The following CDCP2 variants were observed in gnomAD, a reference collection of about 807,000 sequenced individuals.
CDCP2 encodes CUB domain-containing protein 2.
CDCP2 carries 31 observed loss-of-function variants against 31.0 expected under a neutral mutation model. That is an observed-to-expected ratio of 1.00 (90% CI 0.75 to 1.35). CDCP2 has a LOEUF of 1.35. Among genes scored for constraint, CDCP2 ranks in the 40% most tolerant of loss-of-function variants. The probability of loss-of-function intolerance (pLI) is 0.00; values close to 1 mark genes in which losing one functional copy is unlikely to be tolerated. For missense variants in CDCP2, 443 were observed against 482.6 expected (o/e 0.92, Z 0.77); for synonymous variants, 206 against 207.9 (o/e 0.99, Z 0.08).
At chr1:54,135,623 T>C (rs1325707006) in intron 5 of CDCP2, among the ~76,000 whole-genome samples, 1 of 152,134 alleles carries the variant, frequency 6.6e-6, no homozygotes, top group African/African-American at 2.4e-5. Context: ...TCCATGACTT[T>C]ATGGAATGTG....
intron 1 of CDCP2, among the ~76,000 whole-genome samples, chr1:54,151,069 G>A (rs1659576089): frequency 6.6e-6 from 1 of 152,190 alleles, no homozygotes; most frequent in Admixed American, 6.5e-5. Context: ...GTATCAAGGA[G>A]GGGCAAGATT....
At chr1:54,142,693 T>G (rs1033864849) in intron 2 of CDCP2, 4 of 152,216 alleles carry the variant, frequency 2.6e-5, no homozygotes, top group African/African-American at 9.7e-5. Flanking sequence ...GGCCCAGCCA[T>G]GTAACTTTAG....
At chr1:54,139,918 G>A (rs1659333088) in exon 4 of CDCP2, 2 of 1,614,100 alleles carry the variant, frequency 1.2e-6, no homozygotes, top group African/African-American at 1.3e-5. Context: ...GCCGCCAGAT[G>A]GTCAAAGTCA....
intron 1 of CDCP2, among the ~76,000 whole-genome samples, chr1:54,150,397 C>T (rs1371699657): frequency 2.0e-5 from 3 of 152,128 alleles, no homozygotes; most frequent in Non-Finnish European, 4.4e-5. Context: ...GAGTTCGAGA[C>T]CAGCCCAGCC....
At chr1:54,144,696 G>T in exon 2 of CDCP2, 1 of 1,614,242 alleles carries the variant, frequency 6.2e-7, no homozygotes, top group South Asian at 1.1e-5. Flanking sequence ...CAGCACCGAG[G>T]ATCCCTCGGC....
chr1:54,141,584 A>G, intron 2 of CDCP2, 151 bp from the exon 3 acceptor site: 1 of 654,558 alleles, frequency 1.5e-6, no homozygotes, highest in South Asian at 2.0e-5. Context: ...CCAAGTAGCA[A>G]GTGTAGCACG....
exon 1 of CDCP2, chr1:54,152,849 A>G: frequency 1.2e-6 from 2 of 1,614,078 alleles, no homozygotes; most frequent in Non-Finnish European, 1.7e-6. Flanking sequence ...CCTACCTTCC[A>G]TGGCTTGGGC....
chr1:54,145,941 T>G (rs1193870391), intron 1 of CDCP2, among the ~76,000 whole-genome samples: 2 of 152,102 alleles, frequency 1.3e-5, no homozygotes, highest in African/African-American at 2.4e-5. Flanking sequence ...GGAGACACAG[T>G]CACATGAGGA....
At chr1:54,133,265 G>A (rs1028660862) in exon 6 of CDCP2, 7 of 399,048 alleles carry the variant, frequency 1.8e-5, no homozygotes, top group African/African-American at 8.2e-5. Context: ...TGTACAGCAC[G>A]CTGACAATCA....
chr1:54,139,669 G>T (rs1417007135), intron 4 of CDCP2, 84 bp downstream of exon 4: 2 of 1,614,004 alleles, frequency 1.2e-6, no homozygotes, highest in Non-Finnish European at 1.7e-6. Context: ...CAAACTGGTG[G>T]GATGGAGGAA....
At chr1:54,141,384 A>G in exon 3 of CDCP2, 1 of 1,613,660 alleles carries the variant, frequency 6.2e-7, no homozygotes, top group East Asian at 2.2e-5. Flanking sequence ...TGGGATACTC[A>G]GGACTGGTGA....
At chr1:54,149,149 T>TG (rs2100432982) in intron 1 of CDCP2, among the ~76,000 whole-genome samples, 1 of 151,566 alleles carries the variant, frequency 6.6e-6, no homozygotes, top group Non-Finnish European at 1.5e-5. Flanking sequence ...GAGGACCACT[T>TG]GAGCCCAGGA....
chr1:54,133,453 C>T (rs41478947), intron 5 of CDCP2, among the ~76,000 whole-genome samples, 159 bp from the exon 6 acceptor site: 2,838 of 152,268 alleles, frequency 0.019, 108 homozygotes, highest in African/African-American at 0.066. Flanking sequence ...AAAGGAGTAC[C>T]GTGAAGGTAA....
chr1:54,144,264 C>T lies in CDCP2; in HGVS notation c.427+202G>A, dbSNP rs576571734. On this transcript the variant is annotated intron_variant, in intron 2 of 5. Coordinates refer to ENST00000530059, the Ensembl canonical transcript of CDCP2. ...TGGGTCCTGCAGGTTACAGAGCAGC[C>T]TACGTGCCAAGATGCTGAGACCCTG... 21 of 561,674 alleles carry T rather than the reference C, an allele frequency of 3.7e-5. 1 individual carries two copies. In the South Asian group the frequency reaches 4.8e-4, roughly 13 times the overall value. 34.8% of individuals were successfully genotyped at this position (561,674 alleles called of 1,614,324 possible). A position where few individuals can be genotyped will look rare whatever the true frequency, so the allele number is the denominator to read the frequency against.
At chr1:54,149,117 G>C (rs2100432966) in intron 1 of CDCP2, among the ~76,000 whole-genome samples, 1 of 151,322 alleles carries the variant, frequency 6.6e-6, no homozygotes, top group East Asian at 1.9e-4. Context: ...TGAGGTCCCA[G>C]CTTCTCAAGA....
intron 1 of CDCP2, among the ~76,000 whole-genome samples, 197 bp downstream of exon 1, chr1:54,152,647 T>C (rs547472233): frequency 2.7e-4 from 41 of 152,240 alleles, no homozygotes; most frequent in Non-Finnish European, 5.1e-4. Context: ...GCAACCTACA[T>C]GTGAAACATG....
intron 5 of CDCP2, among the ~76,000 whole-genome samples, chr1:54,133,656 G>A (rs977732614): frequency 1.1e-4 from 17 of 152,154 alleles, no homozygotes; most frequent in Non-Finnish European, 4.4e-5. Context: ...CAGCACTGTG[G>A]GAGGCCAAGG....
At chr1:54,139,649 G>C (rs895912721) in intron 4 of CDCP2, 104 bp downstream of exon 4, 16 of 1,613,478 alleles carry the variant, frequency 9.9e-6, no homozygotes, top group Middle Eastern at 1.7e-4. Flanking sequence ...CATTCATGGG[G>C]GGGGCAGGAC....
chr1:54,144,739 A>C, exon 2 of CDCP2: 1 of 1,614,208 alleles, frequency 6.2e-7, no homozygotes, highest in Non-Finnish European at 8.5e-7. Flanking sequence ...TCTGTGTTGT[A>C]GGGGTACAGT....
Sources: gnomAD v4.1 joint callset for allele counts (sites outside exome capture counted in the v4.1 genomes callset) on GRCh38, gnomAD v4.1.1 for gene constraint, MANE v1.5 for transcripts, NCBI Gene and HGNC (gene_info 2026-07-23, HGNC 2026-07-21) for gene names.